SGPP2: variants seen among roughly 807,000 people sequenced by gnomAD.
SGPP2 encodes the protein sphingosine 1-phosphate phosphohydrolase 2.
A neutral mutation model predicts 33.9 loss-of-function variants in SGPP2; 30 were observed. The ratio of observed to expected loss-of-function variants is 0.89; its 90% CI spans 0.66 to 1.20. The LOEUF is 1.20. SGPP2 is among the 50% of genes most tolerant of loss of function. The probability of loss-of-function intolerance (pLI) is 0.00; values close to 1 mark genes in which losing one functional copy is unlikely to be tolerated. For missense variants in SGPP2, 458 were observed against 532.1 expected (o/e 0.86, Z 1.37); for synonymous variants, 233 against 225.0 (o/e 1.04, Z -0.32).
intron 1 of SGPP2, among the ~76,000 whole-genome samples, chr2:222,432,415 C>A (rs965159198): frequency 6.6e-6 from 1 of 152,208 alleles, no homozygotes; most frequent in Admixed American, 6.5e-5. Flanking sequence ...AGGATCCCAT[C>A]ATTATGACTA....
chr2:222,440,245 G>A (rs75026741), intron 1 of SGPP2, among the ~76,000 whole-genome samples: 1 of 152,216 alleles, frequency 6.6e-6, no homozygotes, highest in East Asian at 1.9e-4. Flanking sequence ...GTGCCAAGGA[G>A]AGCACAGAGA....
intron 2 of SGPP2, among the ~76,000 whole-genome samples, chr2:222,475,357 T>C (rs961685507): frequency 6.6e-6 from 1 of 152,214 alleles, no homozygotes; most frequent in Non-Finnish European, 1.5e-5. Flanking sequence ...CTTTGAGATA[T>C]ACTTTCCCAA....
chr2:222,470,231 G>A (rs116622024), intron 1 of SGPP2, among the ~76,000 whole-genome samples: 2,479 of 152,226 alleles, frequency 0.016, 70 homozygotes, highest in African/African-American at 0.056. Context: ...ACGCATACCT[G>A]TGTAACAAAC....
At chr2:222,502,882 A>C (rs546884482) in intron 2 of SGPP2, among the ~76,000 whole-genome samples, 1 of 152,228 alleles carries the variant, frequency 6.6e-6, no homozygotes, top group Non-Finnish European at 1.5e-5. Flanking sequence ...CGTGTACGAA[A>C]TTCTACCCTT....
intron 2 of SGPP2, among the ~76,000 whole-genome samples, chr2:222,515,159 C>T (rs1223192830): frequency 6.6e-6 from 1 of 152,020 alleles, no homozygotes; most frequent in African/African-American, 2.4e-5. Context: ...TGTCCTCATC[C>T]CCACTCTACT....
At chr2:222,440,911 C>T (rs964555239) in intron 1 of SGPP2, among the ~76,000 whole-genome samples, 1 of 152,210 alleles carries the variant, frequency 6.6e-6, no homozygotes, top group Non-Finnish European at 1.5e-5. Context: ...CTGAGATCTA[C>T]ACTCCCTTCT....
intron 2 of SGPP2, among the ~76,000 whole-genome samples, chr2:222,482,227 A>C (rs1698039985): frequency 6.6e-6 from 1 of 152,222 alleles, no homozygotes; most frequent in Admixed American, 6.5e-5. Context: ...AACTCAGGAA[A>C]GTAGGAATTT....
chr2:222,542,378 C>T (rs1254273043), intron 4 of SGPP2, among the ~76,000 whole-genome samples: 1 of 152,184 alleles, frequency 6.6e-6, no homozygotes, highest in Non-Finnish European at 1.5e-5. Flanking sequence ...CCCAAACTTT[C>T]TTTTATGTGC....
At chr2:222,487,297 G>A (rs1424249195) in intron 2 of SGPP2, among the ~76,000 whole-genome samples, 1 of 152,120 alleles carries the variant, frequency 6.6e-6, no homozygotes, top group Non-Finnish European at 1.5e-5. Context: ...AAATCCAAAG[G>A]GAGGACATAG....
intron 3 of SGPP2, among the ~76,000 whole-genome samples, 194 bp from the exon 4 acceptor site, chr2:222,524,750 G>C (rs1321768783): frequency 2.6e-5 from 4 of 152,154 alleles, no homozygotes; most frequent in Non-Finnish European, 2.9e-5. Context: ...CTGTGTACCT[G>C]GGTATCTTCC....
At chr2:222,549,924 C>G (rs1203460545) in intron 4 of SGPP2, among the ~76,000 whole-genome samples, 3 of 150,290 alleles carry the variant, frequency 2.0e-5, no homozygotes, top group Non-Finnish European at 3.0e-5. Flanking sequence ...GTCACCCGGG[C>G]TGAATACAGT....
intron 1 of SGPP2, among the ~76,000 whole-genome samples, chr2:222,441,688 T>C (rs904984101): frequency 6.6e-6 from 1 of 152,196 alleles, no homozygotes; most frequent in Non-Finnish European, 1.5e-5. Context: ...AATACGAAGG[T>C]AGGAATTTTA....
chr2:222,496,795 T>C (rs1026445867), intron 2 of SGPP2, among the ~76,000 whole-genome samples: 3 of 152,196 alleles, frequency 2.0e-5, no homozygotes, highest in Non-Finnish European at 2.9e-5. Context: ...AGTCATCATC[T>C]CTAGAAAAGC....
At chr2:222,471,448 A>T (rs1697840354) in intron 1 of SGPP2, among the ~76,000 whole-genome samples, 1 of 152,046 alleles carries the variant, frequency 6.6e-6, no homozygotes, top group Non-Finnish European at 1.5e-5. Flanking sequence ...GTATAAAAGT[A>T]CTCTCAGCCT....
rs2106164205 is a variant in SGPP2 at position 222,562,378 on chromosome 2, A to G, written c.*3480A>G. Among the ~76,000 whole-genome samples the G allele has an allele frequency of 6.6e-6, 1 of 152,140 alleles. No homozygotes were observed. The highest frequency in any genetic ancestry group is 1.9e-4 in the East Asian group (1 of 5,168). ...ACACCCCTGAATTAAAAACACTTACATAGCAGTGGCTGGAATTACTCCAAA... is the reference window on the plus strand; with the variant it reads ...ACACCCCTGAATTAAAAACACTTACGTAGCAGTGGCTGGAATTACTCCAAA... On this transcript the variant is annotated 3_prime_UTR_variant, in exon 5 of 5. Coordinates refer to ENST00000321276, the MANE Select transcript of SGPP2 (RefSeq NM_152386.4).
intron 1 of SGPP2, among the ~76,000 whole-genome samples, chr2:222,469,432 C>T (rs1348056795): frequency 6.6e-6 from 1 of 152,214 alleles, no homozygotes; most frequent in Non-Finnish European, 1.5e-5. Context: ...ATCTACCTGC[C>T]TCGGACTCCC....
At chr2:222,555,445 G>GTTTTTTTTTTTTTTTTTTTTTTTTCTT (rs57228014) in intron 4 of SGPP2, among the ~76,000 whole-genome samples, 1 of 85,864 alleles carries the variant, frequency 1.2e-5, no homozygotes, top group Non-Finnish European at 2.3e-5. Flanking sequence ...TCTTTTATCC[G>GTTTTTTTTTTTTTTTTTTTTTTTTCTT]TTTTTTTTTT....
At chr2:222,539,780 A>G (rs922062166) in intron 4 of SGPP2, among the ~76,000 whole-genome samples, 3 of 152,204 alleles carry the variant, frequency 2.0e-5, no homozygotes, top group Non-Finnish European at 4.4e-5. Flanking sequence ...AGCCATTTTT[A>G]TCTTTCCAAC....
chr2:222,495,568 C>T (rs1440210884), intron 2 of SGPP2, among the ~76,000 whole-genome samples: 4 of 152,182 alleles, frequency 2.6e-5, no homozygotes, highest in African/African-American at 9.7e-5. Context: ...TTTACTTGAG[C>T]TCTCTATGCT....
Sources: allele counts gnomAD v4.1 joint callset (sites outside exome capture counted in the v4.1 genomes callset), GRCh38; gene constraint gnomAD v4.1.1; transcripts MANE v1.5; gene names NCBI Gene and HGNC (gene_info 2026-07-23, HGNC 2026-07-21).